Variants in KAZN observed in about 807,000 individuals in gnomAD.
KAZN encodes kazrin.
In KAZN, 40 loss-of-function variants were observed where a neutral mutation model predicts 87.4. The ratio of observed to expected loss-of-function variants is 0.46; its 90% CI spans 0.36 to 0.60. The LOEUF (loss-of-function observed/expected upper bound fraction) is 0.60, where lower values mean the gene tolerates loss of function less well. Ranked by LOEUF, KAZN falls within the 20% of genes least tolerant of loss-of-function variation. The pLI, the probability that KAZN is intolerant of heterozygous loss-of-function variation, is 0.00. For missense variants in KAZN, 898 were observed against 1,073.9 expected (o/e 0.84, Z 2.29); for synonymous variants, 466 against 458.3 (o/e 1.02, Z -0.22).
chr1:15,084,620 G>C (rs1331441431), intron 8 of KAZN, among the ~76,000 whole-genome samples: 1 of 152,184 alleles, frequency 6.6e-6, no homozygotes, highest in Non-Finnish European at 1.5e-5. Context: ...TAAATTTTGG[G>C]ATATAGCAAA....
chr1:14,255,867 T>C (rs1650471332), intron 2 of KAZN, among the ~76,000 whole-genome samples: 1 of 152,234 alleles, frequency 6.6e-6, no homozygotes, highest in African/African-American at 2.4e-5. Flanking sequence ...AACCAAGGAC[T>C]GGCTGCCTCC....
intron 4 of KAZN, among the ~76,000 whole-genome samples, chr1:15,047,243 T>C (rs1382073413): frequency 1.3e-5 from 2 of 152,162 alleles, no homozygotes; most frequent in Admixed American, 6.5e-5. Context: ...GACTGCAGGT[T>C]CCCTCCATTG....
At chr1:14,238,979 G>C (rs1039282399) in intron 2 of KAZN, among the ~76,000 whole-genome samples, 2 of 152,132 alleles carry the variant, frequency 1.3e-5, no homozygotes, top group Non-Finnish European at 2.9e-5. Flanking sequence ...ATTTGTACTG[G>C]GATTGTGATG....
chr1:14,963,106 A>T (rs1664078766), intron 2 of KAZN, among the ~76,000 whole-genome samples: 1 of 151,332 alleles, frequency 6.6e-6, no homozygotes, highest in South Asian at 2.1e-4. Flanking sequence ...ACAGAGCTGT[A>T]CAGGCAATCT....
intron 1 of KAZN, among the ~76,000 whole-genome samples, chr1:14,866,337 G>A (rs1190176846): frequency 1.3e-5 from 2 of 152,194 alleles, no homozygotes; most frequent in African/African-American, 4.8e-5. Context: ...GAGTTTTGGC[G>A]AGAGCCCCTT....
rs993801973 is a variant in KAZN, at chr1:14,915,841, TC to T, written c.227-44840del. Reference sequence around the variant, plus strand: ...GGGTTGAATGAGCCGGAAAGCACAGTCCCTGGACTGATGTCAGTGCTCAGTA... The same window carrying T: ...GGGTTGAATGAGCCGGAAAGCACAGTCCTGGACTGATGTCAGTGCTCAGTA... On this transcript the variant is annotated intron_variant, in intron 1 of 14. Transcript: ENST00000376030. Among the ~76,000 whole-genome samples the T allele has an allele frequency of 9.9e-5, 15 of 152,176 alleles. 1 individual carries two copies. Among genetic ancestry groups the T allele is most frequent in the African/African-American group, 3.6e-4 (15 of 41,448 alleles).
chr1:14,136,633 A>G (rs570533619), intron 1 of KAZN, among the ~76,000 whole-genome samples: 1 of 152,244 alleles, frequency 6.6e-6, no homozygotes, highest in Non-Finnish European at 1.5e-5. Flanking sequence ...GTACCCTGGA[A>G]AGAAGAGTGG....
intron 2 of KAZN, among the ~76,000 whole-genome samples, chr1:14,444,191 T>C (rs1333788227): frequency 6.6e-6 from 1 of 152,088 alleles, no homozygotes. Context: ...GATGTACATA[T>C]ACCCCTTATG....
rs1475151325 is a variant in KAZN at position 14,171,981 on chromosome 1, C to G, written c.92-8454C>G. On this transcript the variant is annotated intron_variant, in intron 1 of 16. Transcript: ENST00000636203. ...AAAGCGTGTCATTTTTTTCCTCTGC[C>G]AACTCATGAATGTACCACTTATCTG... Among the ~76,000 whole-genome samples, 11 of 115,624 alleles carry G rather than the reference C, an allele frequency of 9.5e-5. 1 individual carries two copies. 75.9% of individuals were successfully genotyped at this position (115,624 alleles called of 152,430 possible). A position where few individuals can be genotyped will look rare whatever the true frequency, so the allele number is the denominator to read the frequency against.
At chr1:15,109,468 G>A (rs963720141) in intron 13 of KAZN, among the ~76,000 whole-genome samples, 1 of 152,164 alleles carries the variant, frequency 6.6e-6, no homozygotes, top group South Asian at 2.1e-4. Flanking sequence ...ACATATGGAG[G>A]GAATAGCTGA....
intron 2 of KAZN, among the ~76,000 whole-genome samples, chr1:14,974,416 T>C (rs1665398878): frequency 6.6e-6 from 1 of 152,162 alleles, no homozygotes; most frequent in Non-Finnish European, 1.5e-5. Context: ...GTAGGTACTA[T>C]ATGGAAATGA....
chr1:13,906,409 G>A (rs1639437677), intron 1 of KAZN, among the ~76,000 whole-genome samples: 1 of 152,166 alleles, frequency 6.6e-6, no homozygotes, highest in Non-Finnish European at 1.5e-5. Context: ...AGAGGCAGGA[G>A]TTGGAGATGT....
chr1:14,701,775 T>C (rs985865240), intron 1 of KAZN, among the ~76,000 whole-genome samples: 5 of 152,112 alleles, frequency 3.3e-5, no homozygotes, highest in African/African-American at 1.2e-4. Flanking sequence ...CCAGCCAGGG[T>C]GACAGAGTGA....
chr1:14,272,782 C>T (rs567689043), intron 2 of KAZN, among the ~76,000 whole-genome samples: 3 of 152,158 alleles, frequency 2.0e-5, no homozygotes, highest in South Asian at 2.1e-4. Flanking sequence ...CACTTGAACC[C>T]GGGAGGTGGA....
At chr1:14,114,588 T>A (rs1373699891) in intron 1 of KAZN, among the ~76,000 whole-genome samples, 1 of 152,082 alleles carries the variant, frequency 6.6e-6, no homozygotes, top group East Asian at 1.9e-4. Flanking sequence ...AGCCCTTCCT[T>A]CTTCCTCCCT....
chr1:14,436,089 TGTGGTGGCG>T (rs1239360318), intron 2 of KAZN, among the ~76,000 whole-genome samples: 2 of 151,550 alleles, frequency 1.3e-5, no homozygotes, highest in Non-Finnish European at 2.9e-5. Context: ...ATTAGCCGGG[TGTGGTGGCG>T]GGCGCCTGTA....
intron 1 of KAZN, among the ~76,000 whole-genome samples, chr1:14,819,980 G>A (rs1016308761): frequency 3.3e-5 from 5 of 151,926 alleles, no homozygotes; most frequent in Non-Finnish European, 7.4e-5. Context: ...AAAGTGCTAC[G>A]ATGTAGGCAT....
rs1290398559 is a variant in KAZN, at chr1:14,184,799, G to A, written c.249+4207G>A. 6.6e-6 allele frequency among the ~76,000 whole-genome samples: 1 copy of A among 152,144 alleles called. No homozygotes were observed. The highest frequency in any genetic ancestry group is 1.5e-5 in the Non-Finnish European group (1 of 68,016). On this transcript the variant is annotated intron_variant, in intron 2 of 16. Coordinates refer to the KAZN transcript ENST00000636203. The surrounding 1 kb of genome is among the most constrained non-coding windows in gnomAD (Gnocchi z 4.2). ...GGCTCAGGTTCCTGGCAGATAGGGA[G>A]GGTTAGCGCCCCAAAGTCAACATCA...
At chr1:14,229,162 C>CA (rs1647569265) in intron 2 of KAZN, among the ~76,000 whole-genome samples, 1 of 151,990 alleles carries the variant, frequency 6.6e-6, no homozygotes, top group Non-Finnish European at 1.5e-5. Flanking sequence ...CCACGAACGG[C>CA]AAAAAAGACA....
Sources: allele counts gnomAD v4.1 joint callset (sites outside exome capture counted in the v4.1 genomes callset), GRCh38; gene constraint gnomAD v4.1.1; non-coding constraint Gnocchi (gnomAD v3.1); transcripts MANE v1.5; gene names NCBI Gene and HGNC (gene_info 2026-07-23, HGNC 2026-07-21).